Variants in CACNB2 observed in about 807,000 individuals in gnomAD.
CACNB2 encodes the protein voltage-dependent L-type calcium channel subunit beta-2.
A neutral mutation model predicts 73.3 loss-of-function variants in CACNB2; 42 were observed. The ratio of observed to expected loss-of-function variants is 0.57; its 90% CI spans 0.45 to 0.74. The LOEUF (loss-of-function observed/expected upper bound fraction) is 0.74, where lower values mean the gene tolerates loss of function less well. CACNB2 is among the 30% of genes least tolerant of loss of function. CACNB2 has a pLI of 0.00. For missense variants in CACNB2, 940 were observed against 853.0 expected, an observed-to-expected ratio of 1.10 and a Z score of -1.27; for synonymous variants, 348 against 310.3, an observed-to-expected ratio of 1.12 and a Z score of -1.28.
intron 3 of CACNB2, among the ~76,000 whole-genome samples, chr10:18,438,519 G>A (rs1339517725): frequency 4.6e-5 from 7 of 152,130 alleles, no homozygotes; most frequent in African/African-American, 1.7e-4. Flanking sequence ...CTGCAGCCTC[G>A]CGGTCCCTCA....
chr10:18,491,820 A>T (rs1380376842), intron 3 of CACNB2, among the ~76,000 whole-genome samples: 6 of 24,106 alleles, frequency 2.5e-4, no homozygotes, highest in Admixed American at 1.4e-3. Flanking sequence ...CAAGTTGGTT[A>T]AAAAAAAAAA....
At chr10:18,531,931 C>G (rs969136080) in intron 10 of CACNB2, 1 of 152,202 alleles carries the variant, frequency 6.6e-6, no homozygotes, top group Admixed American at 6.5e-5. Context: ...CTTCAAGATG[C>G]TGAGCTGCAT....
At chr10:18,341,897 C>CT (rs1288053175) in intron 2 of CACNB2, among the ~76,000 whole-genome samples, 2 of 152,046 alleles carry the variant, frequency 1.3e-5, no homozygotes. Flanking sequence ...TTAGATTTTA[C>CT]TTTAAGTTTT....
At chr10:18,289,101 T>A (rs2038935756) in intron 2 of CACNB2, among the ~76,000 whole-genome samples, 1 of 152,016 alleles carries the variant, frequency 6.6e-6, no homozygotes, top group Non-Finnish European at 1.5e-5. Flanking sequence ...CTATTTTAAT[T>A]TTTCTTCTGA....
At chr10:18,404,811 C>G (rs549373958) in intron 3 of CACNB2, among the ~76,000 whole-genome samples, 1 of 152,160 alleles carries the variant, frequency 6.6e-6, no homozygotes, top group Admixed American at 6.5e-5. Flanking sequence ...GGTTATATAA[C>G]GAAGTACTCT....
At chr10:18,335,001 A>C (rs996501452) in intron 2 of CACNB2, among the ~76,000 whole-genome samples, 9 of 152,126 alleles carry the variant, frequency 5.9e-5, no homozygotes, top group African/African-American at 2.2e-4. Flanking sequence ...ATTATTTCAT[A>C]ACTAGGAAAA....
chr10:18,214,808 CTGTT>C (rs1288260682), intron 2 of CACNB2, among the ~76,000 whole-genome samples: 1 of 151,958 alleles, frequency 6.6e-6, no homozygotes, highest in East Asian at 1.9e-4. Context: ...GTAGCAGTGG[CTGTT>C]TGTGAATTAG....
In CACNB2 at chr10:18,324,640, A is replaced by G. The variant is rs557550311; in HGVS notation, c.214-77284A>G. On this transcript the variant is annotated intron_variant, in intron 2 of 13. Transcript: ENST00000324631. ...GGCCGAAGTGGGTGGATCTCTTCTT[A>G]AAGTCCAGAGTTTGAGACCAGCCTG... Among the ~76,000 whole-genome samples, 6 of 152,342 alleles carry G rather than the reference A, an allele frequency of 3.9e-5. No homozygotes were observed. In the South Asian group the frequency reaches 1.2e-3, roughly 32 times the overall value.
At chr10:18,140,926 C>T (rs1171155111) in intron 1 of CACNB2, 70 bp downstream of exon 1, 2 of 1,543,900 alleles carry the variant, frequency 1.3e-6, no homozygotes, top group African/African-American at 2.7e-5. Context: ...CGGGTTCTCC[C>T]GGCGCCTCCA....
intron 1 of CACNB2, among the ~76,000 whole-genome samples, chr10:18,150,230 T>C (rs147662870): frequency 1.3e-5 from 2 of 152,352 alleles, no homozygotes; most frequent in Non-Finnish European, 2.9e-5. Flanking sequence ...TCGAAACAAA[T>C]CATCTTACCT....
At chr10:18,429,915 G>C (rs2045799591) in intron 3 of CACNB2, among the ~76,000 whole-genome samples, 1 of 151,888 alleles carries the variant, frequency 6.6e-6, no homozygotes, top group African/African-American at 2.4e-5. Context: ...GGAGTTCAAG[G>C]CTGCAATGAG....
chr10:18,351,387 A>G (rs2041700083), intron 2 of CACNB2, among the ~76,000 whole-genome samples: 1 of 152,210 alleles, frequency 6.6e-6, no homozygotes, highest in African/African-American at 2.4e-5. Flanking sequence ...ATCTTTTCTG[A>G]TTCTGCAATA....
chr10:18,529,683 A>G (rs935581920), intron 10 of CACNB2, among the ~76,000 whole-genome samples: 1 of 152,250 alleles, frequency 6.6e-6, no homozygotes, highest in African/African-American at 2.4e-5. Context: ...AAAGAAGGAC[A>G]TGGGAGATGA....
At chr10:18,485,443 T>G (rs1034620366) in intron 3 of CACNB2, among the ~76,000 whole-genome samples, 51 of 151,786 alleles carry the variant, frequency 3.4e-4, no homozygotes, top group African/African-American at 1.1e-3. Flanking sequence ...AGGCATTTAA[T>G]ATAATAAAAG....
rs1342826973 is a variant in CACNB2 at position 18,500,793 on chromosome 10, C to G, written c.457-19C>G. 1 of 1,612,220 alleles carries G rather than the reference C, an allele frequency of 6.2e-7. No homozygotes were observed. Among genetic ancestry groups the G allele is most frequent in the Non-Finnish European group, 8.5e-7 (1 of 1,178,836 alleles). On this transcript the variant is annotated intron_variant, in intron 4 of 13. Coordinates refer to ENST00000324631, the MANE Select transcript of CACNB2 (RefSeq NM_201596.3). ...ACCTTCTGTGCACTGATTTTTAATG[C>G]TTTTGATTTTGTGTTTAGAAATTTA... is the stretch of plus-strand genomic sequence containing the variant.
At position 18,538,170 on chromosome 10, in the gene CACNB2, G is replaced by T. The variant is rs1175996646; in HGVS notation, c.1303-10G>T. On this transcript the variant is annotated splice_polypyrimidine_tract_variant and intron_variant, in intron 12 of 13. Transcript: ENST00000324631. The stretch of plus-strand genomic sequence containing the variant: ...GGCATCAATGTGGTCTGGAATGTCT[G>T]CCTCTGCAGGAGCTGTTCGATGTGA... 1 of 1,613,982 alleles carries T rather than the reference G, an allele frequency of 6.2e-7. No individual in the cohort carries two copies. Among genetic ancestry groups the T allele is most frequent in the Non-Finnish European group, 8.5e-7 (1 of 1,179,978 alleles).
chr10:18,416,259 C>A (rs1300191531), intron 3 of CACNB2, among the ~76,000 whole-genome samples: 1 of 152,192 alleles, frequency 6.6e-6, no homozygotes, highest in East Asian at 1.9e-4. Flanking sequence ...CCTCAAGATT[C>A]ATCTATGTTG....
chr10:18,536,059 G>A (rs564122325), intron 11 of CACNB2, 42 bp from the exon 12 acceptor site: 21 of 1,184,556 alleles, frequency 1.8e-5, no homozygotes, highest in Non-Finnish European at 2.7e-5. Context: ...ACTTTACCTG[G>A]ATGTAGTTAT....
chr10:18,339,751 T>C (rs1295401766), intron 2 of CACNB2, among the ~76,000 whole-genome samples: 1 of 152,192 alleles, frequency 6.6e-6, no homozygotes, highest in Non-Finnish European at 1.5e-5. Flanking sequence ...TTTAAGAACA[T>C]TGATTTGAAT....
Sources: allele counts gnomAD v4.1 joint callset (sites outside exome capture counted in the v4.1 genomes callset), GRCh38; gene constraint gnomAD v4.1.1; transcripts MANE v1.5; gene names NCBI Gene and HGNC (gene_info 2026-07-23, HGNC 2026-07-21).